ROBO2: variants seen among roughly 807,000 people sequenced by gnomAD.
The protein encoded by ROBO2 is roundabout homolog 2.
ROBO2 carries 53 observed loss-of-function variants against 160.8 expected under a neutral mutation model. That is an observed-to-expected ratio of 0.33 (90% CI 0.26 to 0.41). The LOEUF (loss-of-function observed/expected upper bound fraction) is 0.41, where lower values mean the gene tolerates loss of function less well. ROBO2 is among the 10% of genes least tolerant of loss of function. The pLI is 1.00. For synonymous variants in ROBO2, 664 were observed against 611.7 expected (o/e 1.09, Z -1.26); for missense variants, 1,577 against 1,722.4 (o/e 0.92, Z 1.49).
intron 2 of ROBO2, among the ~76,000 whole-genome samples, chr3:77,196,788 TC>T (rs1560210312): frequency 6.6e-6 from 1 of 152,088 alleles, no homozygotes; most frequent in Admixed American, 6.5e-5. Context: ...AAAAATATGT[TC>T]TTTATTTCCT....
rs935391439 is a variant in ROBO2, at chr3:77,106,602, G to A, written c.388+8262G>A. 1.5e-4 allele frequency among the ~76,000 whole-genome samples: 23 copies of A among 152,102 alleles called. 1 individual carries two copies. The highest frequency in any genetic ancestry group is 5.1e-4 in the African/African-American group (21 of 41,414). On this transcript the variant is annotated intron_variant, in intron 2 of 25. Transcript: ENST00000461745. ...ATGATAAGGCCTTTACAGAATTATA[G>A]AAGTAAAAACAATAGGTGAAGTTTT...
chr3:77,169,223 T>C (rs1412339816), intron 2 of ROBO2, among the ~76,000 whole-genome samples: 1 of 152,234 alleles, frequency 6.6e-6, no homozygotes, highest in African/African-American at 2.4e-5. Context: ...AAAGTGATTA[T>C]TTAACATTGT....
rs1188699899 is a variant in ROBO2 at position 77,164,661 on chromosome 3, TG to T, written c.388+66328del. 6.0e-4 allele frequency among the ~76,000 whole-genome samples: 54 copies of T among 89,456 alleles called. 2 individuals carry two copies. The highest frequency in any genetic ancestry group is 2.2e-3 in the African/African-American group (49 of 21,846). 58.7% of individuals were successfully genotyped at this position (89,456 alleles called of 152,430 possible). A position where few individuals can be genotyped will look rare whatever the true frequency, so the allele number is the denominator to read the frequency against. On this transcript the variant is annotated intron_variant, in intron 2 of 25. Coordinates refer to ENST00000461745, the Ensembl canonical transcript of ROBO2. ...CCAGCCGCCCCGTCCGGGAGGGAGG[TG>T]GGGGGGTCAGCCCCCCGCCTGGCCA...
chr3:76,798,552 C>T (rs1241700342), intron 2 of ROBO2, among the ~76,000 whole-genome samples: 2 of 152,100 alleles, frequency 1.3e-5, no homozygotes, highest in Admixed American at 6.5e-5. Flanking sequence ...ATGCTGAAAA[C>T]GCTTTGATAA....
rs189125579 is a variant in ROBO2, at chr3:76,511,487, C to T, written c.109+573885C>T. Among the ~76,000 whole-genome samples, 830 of 152,222 alleles carry T rather than the reference C, an allele frequency of 5.5e-3. 11 individuals carry two copies. The highest frequency in any genetic ancestry group is 0.019 in the African/African-American group (784 of 41,538). ...AAAATATTTATGCCATATATTTTTC[C>T]CAAAATGTGGCTTTATTAATACAAC... On this transcript the variant is annotated intron_variant, in intron 2 of 26. Transcript: ENST00000487694.
At chr3:75,956,766 C>T (rs1408237622) in intron 2 of ROBO2, among the ~76,000 whole-genome samples, 4 of 151,720 alleles carry the variant, frequency 2.6e-5, no homozygotes, top group African/African-American at 9.7e-5. Context: ...ACTGCCTTCA[C>T]GTAGTGGTCA....
Position 77,150,030 on chromosome 3 carries a change from T to C in ROBO2, c.388+51690T>C, listed in dbSNP as rs560522603. Among the ~76,000 whole-genome samples, 6 of 152,310 alleles carry C rather than the reference T, an allele frequency of 3.9e-5. 1 individual carries two copies. The highest frequency in any genetic ancestry group is 1.4e-4 in the African/African-American group (6 of 41,586). ...GATGATTATTTTATTTGTTCCTGAT[T>C]TTTTCCTTTTCTGCAGATACATGAT... On this transcript the variant is annotated intron_variant, in intron 2 of 25. Transcript: ENST00000461745.
At chr3:76,335,659 G>A (rs1419929490) in intron 2 of ROBO2, among the ~76,000 whole-genome samples, 1 of 150,814 alleles carries the variant, frequency 6.6e-6, no homozygotes, top group East Asian at 2.0e-4. Flanking sequence ...CTCACTGCAA[G>A]CTCCACCTCC....
intron 24 of ROBO2, among the ~76,000 whole-genome samples, chr3:77,643,730 T>C (rs966685134): frequency 6.6e-6 from 1 of 152,192 alleles, no homozygotes; most frequent in Non-Finnish European, 1.5e-5. Context: ...TAATGTGTTG[T>C]AGATAGGCCT....
chr3:76,484,045 T>C (rs1231610868), intron 2 of ROBO2, among the ~76,000 whole-genome samples: 2 of 152,200 alleles, frequency 1.3e-5, no homozygotes, highest in Non-Finnish European at 2.9e-5. Context: ...TGTGTCTTTA[T>C]AACAGAATGA....
chr3:76,116,062 G>C (rs1023853399), intron 2 of ROBO2, among the ~76,000 whole-genome samples: 3 of 152,126 alleles, frequency 2.0e-5, no homozygotes, highest in Non-Finnish European at 4.4e-5. Flanking sequence ...ACCAGGTCTA[G>C]ATTTTAGAGA....
intron 21 of ROBO2, among the ~76,000 whole-genome samples, chr3:77,609,824 A>C (rs1278216137): frequency 6.8e-6 from 1 of 148,112 alleles, no homozygotes; most frequent in Non-Finnish European, 1.5e-5. Context: ...ATATGTATGT[A>C]TGTAGTTTGA....
intron 2 of ROBO2, among the ~76,000 whole-genome samples, chr3:76,995,937 C>CAGA (rs1428131497): frequency 6.6e-6 from 1 of 152,146 alleles, no homozygotes; most frequent in Non-Finnish European, 1.5e-5. Flanking sequence ...TTTTGCTGTG[C>CAGA]AGAAGCTCTT....
intron 2 of ROBO2, among the ~76,000 whole-genome samples, chr3:77,409,075 G>A (rs1158381118): frequency 7.1e-6 from 1 of 140,616 alleles, no homozygotes; most frequent in Non-Finnish European, 1.5e-5. Flanking sequence ...GTTTATGCTA[G>A]CATCTTGAAA....
intron 6 of ROBO2, among the ~76,000 whole-genome samples, chr3:77,525,128 G>A (rs773839466): frequency 4.0e-5 from 6 of 150,652 alleles, no homozygotes; most frequent in Non-Finnish European, 5.9e-5. Flanking sequence ...TCTTTGGATC[G>A]TTTTATTAGA....
intron 2 of ROBO2, among the ~76,000 whole-genome samples, chr3:76,705,520 A>G (rs2093142237): frequency 6.6e-6 from 1 of 152,106 alleles, no homozygotes. Flanking sequence ...GATGACAAGT[A>G]AAAAAGGCCA....
Position 77,473,880 on chromosome 3 carries a change from A to C in ROBO2, c.389-3534A>C, listed in dbSNP as rs145860157. Among the ~76,000 whole-genome samples, 46 of 152,270 alleles carry C rather than the reference A, an allele frequency of 3.0e-4. No individual in the cohort carries two copies. In the East Asian group the frequency reaches 8.1e-3, roughly 27 times the overall value. ...CTAGCTCCTATAGCAGCACTTGGAC[A>C]TGCTGAACTGAAGAGGAAGCCTCAA... is the stretch of plus-strand genomic sequence containing the variant. On this transcript the variant is annotated intron_variant, in intron 2 of 25. Coordinates refer to ENST00000461745, the Ensembl canonical transcript of ROBO2.
intron 2 of ROBO2, among the ~76,000 whole-genome samples, chr3:76,892,794 A>T (rs1424190067): frequency 6.6e-6 from 1 of 152,186 alleles, no homozygotes; most frequent in Non-Finnish European, 1.5e-5. Context: ...TAGCCAATTC[A>T]CTTTCTCTCT....
intron 2 of ROBO2, among the ~76,000 whole-genome samples, chr3:76,203,587 C>T (rs555127435): frequency 1.7e-4 from 24 of 143,292 alleles, no homozygotes; most frequent in African/African-American, 6.2e-4. Flanking sequence ...CTCAGGCTCT[C>T]GGCTTCCCCG....
Sources: gnomAD v4.1 joint callset for allele counts (sites outside exome capture counted in the v4.1 genomes callset) on GRCh38, gnomAD v4.1.1 for gene constraint, MANE v1.5 for transcripts, NCBI Gene and HGNC (gene_info 2026-07-23, HGNC 2026-07-21) for gene names.